Variants in GNB1L observed in about 807,000 individuals in gnomAD.
GNB1L encodes the protein G protein subunit beta 1 like, also known as guanine nucleotide-binding protein subunit beta-like protein 1.
In GNB1L, 20 loss-of-function variants were observed where a neutral mutation model predicts 29.1. The ratio of observed to expected loss-of-function variants is 0.69; its 90% CI spans 0.48 to 1.00. GNB1L has a LOEUF of 1.00. GNB1L is among the 50% of genes least tolerant of loss of function. The pLI is 0.00. For synonymous variants in GNB1L, 193 were observed against 206.5 expected (o/e 0.93, Z 0.56); for missense variants, 421 against 464.9 (o/e 0.91, Z 0.87).
intron 7 of GNB1L, among the ~76,000 whole-genome samples, chr22:19,799,913 C>T (rs899806172): frequency 1.3e-5 from 2 of 152,248 alleles, no homozygotes; most frequent in African/African-American, 4.8e-5. Context: ...GAGGGTGGCG[C>T]ATCAGCCTCT....
At chr22:19,831,443 G>A (rs557781503) in intron 2 of GNB1L, among the ~76,000 whole-genome samples, 13 of 151,662 alleles carry the variant, frequency 8.6e-5, no homozygotes, top group South Asian at 8.3e-4. Flanking sequence ...TGTAATCCCA[G>A]CACTTTGGGA....
chr22:19,841,692 C>T lies in GNB1L; in HGVS notation c.-21+12751G>A, dbSNP rs537721991. 2.6e-5 allele frequency among the ~76,000 whole-genome samples: 4 copies of T among 152,298 alleles called. No homozygotes were observed. In the East Asian group the frequency reaches 7.7e-4, roughly 29 times the overall value. On this transcript the variant is annotated intron_variant, in intron 2 of 7. Coordinates refer to ENST00000329517, the MANE Select transcript of GNB1L (RefSeq NM_053004.3). ...CAACTTTTACACGCTTTTCCCATTC[C>T]AAATAATTTACTATCTTATTTTTGC...
At position 19,816,431 on chromosome 22, in the gene GNB1L, T is replaced by C. The variant is rs1290208614; in HGVS notation, c.255-3984A>G. Among the ~76,000 whole-genome samples, 1 of 152,308 alleles carries C rather than the reference T, an allele frequency of 6.6e-6. No individual in the cohort carries two copies. The highest frequency in any genetic ancestry group is 2.1e-4 in the South Asian group (1 of 4,832). The stretch of plus-strand genomic sequence containing the variant: ...TCCTCTGACGTGGCCATCTGCGAGA[T>C]GTCCAGACCTAGAATCTGCCATCTC... On this transcript the variant is annotated intron_variant, in intron 4 of 7. Coordinates refer to ENST00000329517, the MANE Select transcript of GNB1L (RefSeq NM_053004.3). This position sits in a 1 kb window ranked among gnomAD's most constrained non-coding sequence, Gnocchi z 4.4.
intron 2 of GNB1L, chr22:19,847,065 C>T: frequency 1.0e-6 from 1 of 985,464 alleles, no homozygotes; most frequent in Admixed American, 6.1e-5. Flanking sequence ...TCCTATGGAA[C>T]TCAGGTGTGG....
rs907861626 is a variant in GNB1L at position 19,812,372 on chromosome 22, C to T, written c.330G>A (p.Leu110=). 16 of 1,613,394 alleles carry T rather than the reference C, an allele frequency of 9.9e-6. No homozygotes were observed. The highest frequency in any genetic ancestry group is 1.7e-5 in the Admixed American group (1 of 60,034). Residue 110 remains leucine, a synonymous_variant, in exon 5 of 8, where the codon TTG becomes TTA. Coordinates refer to ENST00000329517, the MANE Select transcript of GNB1L (RefSeq NM_053004.3). ...TGCTCCGGCAGAAGCCCACACTCTC[C>T]AAGCACACGGAGTCCACGACAGCGC... is the stretch of plus-strand genomic sequence containing the variant. ...GRSAVVDSVC[L]ESVGFCRSSI...
intron 2 of GNB1L, chr22:19,848,826 A>C: frequency 1.0e-6 from 1 of 985,388 alleles, no homozygotes; most frequent in Non-Finnish European, 1.2e-6. Flanking sequence ...CCCAGGCTGG[A>C]GTATCCACTT....
chr22:19,806,510 G>A, intron 6 of GNB1L, 149 bp downstream of exon 6: 3 of 604,246 alleles, frequency 5.0e-6, no homozygotes, highest in Admixed American at 2.9e-5. Flanking sequence ...GAGGGCCGTG[G>A]GGACACTGAG....
rs1937508051 is a variant in GNB1L, at chr22:19,812,269, G to A, written c.417+16C>T. The A allele has an allele frequency of 6.2e-7, 1 of 1,609,380 alleles. No homozygotes were observed. On this transcript the variant is annotated intron_variant, in intron 5 of 7. Transcript: ENST00000329517. Reference sequence around the variant, plus strand: ...CTGTTTGGAGAACATGGGGCCTCAGGCAGGCTGGCTCTCACCTCGTCGCTG... The same window carrying A: ...CTGTTTGGAGAACATGGGGCCTCAGACAGGCTGGCTCTCACCTCGTCGCTG...
chr22:19,848,052 A>G, intron 2 of GNB1L: 3 of 985,396 alleles, frequency 3.0e-6, no homozygotes, highest in Non-Finnish European at 3.6e-6. Flanking sequence ...TTCTCTGCTC[A>G]TCTGTCCACA....
At chr22:19,815,431 G>T (rs1262759644) in intron 4 of GNB1L, among the ~76,000 whole-genome samples, 1 of 152,214 alleles carries the variant, frequency 6.6e-6, no homozygotes, top group Non-Finnish European at 1.5e-5. Context: ...GGCTCAACAT[G>T]ACACTGCAGG....
chr22:19,821,195 G>C (rs1167309210), intron 3 of GNB1L, 33 bp downstream of exon 3: 2 of 1,592,608 alleles, frequency 1.3e-6, no homozygotes, highest in African/African-American at 1.3e-5. Context: ...ACTTGGCCCT[G>C]GGTGGCCTGG....
intron 2 of GNB1L, among the ~76,000 whole-genome samples, chr22:19,834,774 G>C (rs750541649): frequency 5.3e-5 from 8 of 151,252 alleles, no homozygotes; most frequent in Non-Finnish European, 1.2e-4. Flanking sequence ...GAGAGGACAG[G>C]AAAGAGGGGA....
At chr22:19,851,577 T>C (rs760970479) in intron 2 of GNB1L, 1 of 1,607,698 alleles carries the variant, frequency 6.2e-7, no homozygotes, top group Non-Finnish European at 8.5e-7. Flanking sequence ...CTGGGGGCAG[T>C]ACCCATGTCG....
At chr22:19,807,630 A>T (rs1159494608) in intron 5 of GNB1L, among the ~76,000 whole-genome samples, 1 of 152,198 alleles carries the variant, frequency 6.6e-6, no homozygotes, top group Non-Finnish European at 1.5e-5. Context: ...ATGCACAGCC[A>T]CCTTGGACAG....
intron 7 of GNB1L, among the ~76,000 whole-genome samples, chr22:19,801,041 C>G (rs888658823): frequency 6.6e-6 from 1 of 152,326 alleles, no homozygotes; most frequent in East Asian, 1.9e-4. Flanking sequence ...GGCCTCCTGT[C>G]GTACAGACAG....
chr22:19,853,973 TC>T (rs1051294612), intron 2 of GNB1L, among the ~76,000 whole-genome samples: 3 of 152,094 alleles, frequency 2.0e-5, no homozygotes, highest in Non-Finnish European at 4.4e-5. Flanking sequence ...TTCTTCCCAG[TC>T]CCCTACCCTG....
At chr22:19,848,651 G>A (rs1938022381) in intron 2 of GNB1L, 1 of 985,474 alleles carries the variant, frequency 1.0e-6, no homozygotes. Flanking sequence ...CAGGTCACCT[G>A]GACTCTCCCA....
chr22:19,813,166 C>T (rs557318614), intron 4 of GNB1L, among the ~76,000 whole-genome samples: 33 of 152,236 alleles, frequency 2.2e-4, no homozygotes, highest in African/African-American at 7.7e-4. Context: ...TGAGTACAGA[C>T]GGGTGTGTAA....
intron 2 of GNB1L, chr22:19,850,553 CCAG>C (rs1396812097): frequency 9.0e-7 from 1 of 1,110,138 alleles, no homozygotes; most frequent in Non-Finnish European, 1.1e-6. Flanking sequence ...TCCAAACCTT[CCAG>C]CTGCCCAGAA....
Sources: allele counts gnomAD v4.1 joint callset (sites outside exome capture counted in the v4.1 genomes callset), GRCh38; gene constraint gnomAD v4.1.1; non-coding constraint Gnocchi (gnomAD v3.1); transcripts MANE v1.5; gene names NCBI Gene and HGNC (gene_info 2026-07-23, HGNC 2026-07-21).